The following GRIP2 variants were observed in gnomAD, a reference collection of about 807,000 sequenced individuals.
GRIP2 encodes the protein glutamate receptor interacting protein 2.
In GRIP2, 58 loss-of-function variants were observed where a neutral mutation model predicts 108.3. The ratio of observed to expected loss-of-function variants is 0.54; its 90% CI spans 0.43 to 0.67. The LOEUF (loss-of-function observed/expected upper bound fraction) is 0.67. GRIP2 is among the 30% of genes least tolerant of loss of function. The probability of loss-of-function intolerance (pLI) is 0.00; values close to 1 mark genes in which losing one functional copy is unlikely to be tolerated. For missense variants in GRIP2, 1,278 were observed against 1,430.6 expected (o/e 0.89, Z 1.72); for synonymous variants, 586 against 598.2 (o/e 0.98, Z 0.30).
the GRIP2 span, among the ~76,000 whole-genome samples, chr3:14,581,947 A>G: frequency 6.6e-6 from 1 of 152,166 alleles, no homozygotes; most frequent in Non-Finnish European, 1.5e-5. Context: ...AAGAGAGCTG[A>G]GGAGTAGGGC....
At chr3:14,549,057 G>A (rs1320059039) in intron 1 of GRIP2, among the ~76,000 whole-genome samples, 1 of 152,164 alleles carries the variant, frequency 6.6e-6, no homozygotes, top group Non-Finnish European at 1.5e-5. Context: ...CTAAATGGGA[G>A]ATCCACAACT....
the GRIP2 span, among the ~76,000 whole-genome samples, chr3:14,591,946 A>G: frequency 6.6e-6 from 1 of 152,232 alleles, no homozygotes; most frequent in Non-Finnish European, 1.5e-5. Flanking sequence ...CTGTATCCAC[A>G]TCTGTCTGCT....
At chr3:14,496,298 G>T (rs1693598532) in intron 22 of GRIP2, 119 bp downstream of exon 22, 2 of 822,616 alleles carry the variant, frequency 2.4e-6, no homozygotes, top group South Asian at 2.3e-5. Context: ...ACTCAACCCA[G>T]TTTTGTGGTG....
At chr3:14,513,539 C>T (rs1694158710) in intron 13 of GRIP2, 126 bp downstream of exon 13, 1 of 1,274,362 alleles carries the variant, frequency 7.8e-7, no homozygotes, top group Non-Finnish European at 1.1e-6. Flanking sequence ...GCTGCAAAGC[C>T]CCTGGGAGAA....
At chr3:14,594,050 G>A in the GRIP2 span, among the ~76,000 whole-genome samples, 1 of 152,268 alleles carries the variant, frequency 6.6e-6, no homozygotes, top group South Asian at 2.1e-4. Flanking sequence ...TCCTCTCCTG[G>A]CGAGGTGCAG....
Position 14,520,224 on chromosome 3 carries a change from C to A in GRIP2, c.916G>T (p.Glu306Ter). ...GTGGCCTCAAGCAGCGAGCAGTGTT[C>A]CATGCTGGTGCCATCGATGGACAGG... Reference protein sequence around the residue: ...HILSIDGTSMEHCSLLEATKL... With the variant: ...HILSIDGTSM The change falls in exon 9 of 24, where the codon GAA becomes TAA. Residue 306 changes from glutamate (E) to a stop codon, truncating the protein, a stop_gained. Coordinates refer to ENST00000621039, the MANE Select transcript of GRIP2 (RefSeq NM_001080423.4). LOFTEE classifies it high-confidence loss of function. 6.2e-7 allele frequency: 1 copy of A among 1,613,842 alleles called. No homozygotes were observed. Among genetic ancestry groups the A allele is most frequent in the Non-Finnish European group, 8.5e-7 (1 of 1,179,880 alleles).
rs1167460124 is a variant in GRIP2, at chr3:14,493,763, C to T, written c.3034G>A (p.Gly1012Ser). The change falls in exon 24 of 24, where the codon GGT (glycine) becomes AGT (serine). Residue 1012 changes from glycine (G) to serine (S), a missense_variant. Gly to Ser is a moderately conservative substitution (Grantham distance 56, BLOSUM62 0). Transcript: ENST00000621039. Reference sequence around the variant, plus strand: ...CTGATGATCAGCTCCAAGACATCACCCGCCTCGGCCAGGAGTGGCACCGCC... The same window carrying T: ...CTGATGATCAGCTCCAAGACATCACTCGCCTCGGCCAGGAGTGGCACCGCC... ...CLAVPLLAEA[G>S]DVLELIISRK... 1.2e-6 allele frequency: 2 copies of T among 1,612,578 alleles called. No homozygotes were observed. The highest frequency in any genetic ancestry group is 1.7e-5 in the Admixed American group (1 of 59,882).
At chr3:14,592,507 G>C in the GRIP2 span, among the ~76,000 whole-genome samples, 577 of 152,302 alleles carry the variant, frequency 3.8e-3, 4 homozygotes, top group African/African-American at 0.013. Context: ...TGAAGAAACC[G>C]GGCTCAGAGA....
upstream of GRIP2, among the ~76,000 whole-genome samples, chr3:14,541,378 C>T (rs1182988004): frequency 6.6e-6 from 1 of 152,212 alleles, no homozygotes; most frequent in African/African-American, 2.4e-5. Context: ...GGCCTGGCTC[C>T]CATGGAGTTC....
Position 14,506,655 on chromosome 3 carries a change from G to C in GRIP2, c.2398+146C>G, listed in dbSNP as rs1693935633. Reference sequence around the variant, plus strand: ...AAGAGTGGCTTACGGAGCCAAATCAGGTCTTCCTTCAGGAAGGGCCCCTAA... The same window carrying C: ...AAGAGTGGCTTACGGAGCCAAATCACGTCTTCCTTCAGGAAGGGCCCCTAA... On this transcript the variant is annotated intron_variant, in intron 19 of 23. Coordinates refer to ENST00000621039, the MANE Select transcript of GRIP2 (RefSeq NM_001080423.4). The C allele has an allele frequency of 4.2e-6, 3 of 712,524 alleles. No homozygotes were observed. In the South Asian group the frequency reaches 7.6e-5, roughly 18 times the overall value. The allele number at this position is 712,524 out of a possible 1,614,324, so 44.1% of individuals were successfully genotyped here.
upstream of GRIP2, among the ~76,000 whole-genome samples, chr3:14,556,365 C>T (rs149358930): frequency 3.2e-4 from 49 of 152,320 alleles, 1 homozygote; most frequent in African/African-American, 1.1e-3. Flanking sequence ...CAAGGCCCTC[C>T]CCCTAGAATG....
At chr3:14,523,756 T>G in intron 4 of GRIP2, 58 bp from the exon 5 acceptor site, 235 of 1,175,792 alleles carry the variant, frequency 2.0e-4, no homozygotes, top group Non-Finnish European at 2.7e-4. Context: ...GGCCGGTAGA[T>G]GTGCCCAAAG....
chr3:14,561,700 C>T, the GRIP2 span, among the ~76,000 whole-genome samples: 4 of 152,242 alleles, frequency 2.6e-5, no homozygotes, highest in African/African-American at 9.6e-5. Flanking sequence ...AGCATCTCAT[C>T]AGAGATGCCT....
Position 14,526,312 on chromosome 3 carries a change from T to A in GRIP2, c.41-381A>T, listed in dbSNP as rs564378276. Among the ~76,000 whole-genome samples the A allele has an allele frequency of 4.3e-3, 657 of 152,338 alleles. 6 individuals carry two copies. Among genetic ancestry groups the A allele is most frequent in the African/African-American group, 0.015 (622 of 41,582 alleles). On this transcript the variant is annotated intron_variant, in intron 1 of 23. Coordinates refer to ENST00000621039, the MANE Select transcript of GRIP2 (RefSeq NM_001080423.4). ...CCATTGTCACACAGCTGGAGAGTTG[T>A]GCAATCTGCATTAGAACCCAGTTCT...
In GRIP2 at chr3:14,517,187, G is replaced by T. The variant is rs1694272507; in HGVS notation, c.1183C>A (p.Pro395Thr). The T allele has an allele frequency of 6.2e-7, 1 of 1,600,012 alleles. No individual in the cohort carries two copies. Among genetic ancestry groups the T allele is most frequent in the Admixed American group, 1.7e-5 (1 of 57,720 alleles). The change falls in exon 11 of 24, where the codon CCG becomes ACG. Residue 395 changes from proline to threonine, a missense_variant. Transcript: ENST00000621039. ...CAGGAAAAGGCGTGGTTCAAGGTCG[G>T]CGAGGAAAAGGGAGTTGAAGACAAG... is the stretch of plus-strand genomic sequence containing the variant. ...RSLSSTPFSS[P>T]TLNHAFSCNN... is the part of the protein sequence containing the mutation.
chr3:14,505,496 C>T lies in GRIP2; in HGVS notation c.2573+119G>A. On this transcript the variant is annotated intron_variant, in intron 20 of 23. Transcript: ENST00000621039. The surrounding 1 kb of genome is among the most constrained non-coding windows in gnomAD (Gnocchi z 4.2). ...TCAGTGCTTCTCTCCCAGGAGGCACCCCTCCTCAGGAGCCCGCCAAGACTC... is the reference window on the plus strand; with the variant it reads ...TCAGTGCTTCTCTCCCAGGAGGCACTCCTCCTCAGGAGCCCGCCAAGACTC... 3 of 1,132,642 alleles carry T rather than the reference C, an allele frequency of 2.6e-6. No individual in the cohort carries two copies. Among genetic ancestry groups the T allele is most frequent in the Non-Finnish European group, 3.8e-6 (3 of 793,762 alleles). 70.2% of individuals were successfully genotyped at this position (1,132,642 alleles called of 1,614,324 possible).
chr3:14,557,927 C>T (rs1201064183), upstream of GRIP2, among the ~76,000 whole-genome samples: 2 of 152,218 alleles, frequency 1.3e-5, no homozygotes, highest in Non-Finnish European at 2.9e-5. Context: ...TACACGAGAT[C>T]ACAAGCATAG....
intron 10 of GRIP2, 74 bp downstream of exon 10, chr3:14,517,698 T>C: frequency 1.3e-6 from 2 of 1,557,934 alleles, no homozygotes; most frequent in African/African-American, 1.4e-5. Context: ...TTCCTTCCCT[T>C]AGACAACAGG....
At chr3:14,599,978 G>A in the GRIP2 span, among the ~76,000 whole-genome samples, 1 of 152,168 alleles carries the variant, frequency 6.6e-6, no homozygotes, top group Non-Finnish European at 1.5e-5. Flanking sequence ...GATGACTGCT[G>A]TTTAAGATTC....
Sources: gnomAD v4.1 joint callset for allele counts (sites outside exome capture counted in the v4.1 genomes callset) on GRCh38, gnomAD v4.1.1 for gene constraint, Gnocchi (gnomAD v3.1) non-coding constraint, MANE v1.5 for transcripts, NCBI Gene and HGNC (gene_info 2026-07-23, HGNC 2026-07-21) for gene names.